The following NEK10 variants were observed in gnomAD, a reference collection of about 807,000 sequenced individuals.
The protein encoded by NEK10 is NIMA related kinase 10.
A neutral mutation model predicts 159.8 loss-of-function variants in NEK10; 122 were observed. The observed-to-expected ratio is 0.76, with a 90% CI of 0.66 to 0.89. The LOEUF is 0.89. Ranked by LOEUF, NEK10 falls within the 40% of genes least tolerant of loss-of-function variation. The pLI, the probability that NEK10 is intolerant of heterozygous loss-of-function variation, is 0.00. For missense variants in NEK10, 1,342 were observed against 1,323.1 expected (o/e 1.01, Z -0.22); for synonymous variants, 466 against 457.1 (o/e 1.02, Z -0.25).
intron 5 of NEK10, among the ~76,000 whole-genome samples, chr3:27,331,417 C>G (rs146436656): frequency 7.2e-5 from 11 of 152,140 alleles, no homozygotes; most frequent in African/African-American, 2.4e-4. Context: ...AATAAGGAAC[C>G]TTCAAAGGTC....
chr3:27,298,163 T>C (rs1369209975), intron 13 of NEK10, among the ~76,000 whole-genome samples: 1 of 152,216 alleles, frequency 6.6e-6, no homozygotes, highest in Non-Finnish European at 1.5e-5. Flanking sequence ...GGTTTGGCTG[T>C]GTCCCCACCC....
At chr3:27,222,341 C>A (rs1335062808) in intron 23 of NEK10, among the ~76,000 whole-genome samples, 1 of 152,196 alleles carries the variant, frequency 6.6e-6, no homozygotes, top group African/African-American at 2.4e-5. Flanking sequence ...CCACTGCACT[C>A]CAGCCTGGGC....
chr3:27,316,140 C>G lies in NEK10; in HGVS notation c.448-1802G>C, dbSNP rs143379815. Reference sequence around the variant, plus strand: ...CTGAATTTGAACGTTTTCATGCAGACCGTGATACCCAATGAAAACGTGTGA... The same window carrying G: ...CTGAATTTGAACGTTTTCATGCAGAGCGTGATACCCAATGAAAACGTGTGA... On this transcript the variant is annotated intron_variant, in intron 6 of 35. Coordinates refer to ENST00000691995, the MANE Select transcript of NEK10 (RefSeq NM_001394966.1). Among the ~76,000 whole-genome samples the G allele has an allele frequency of 5.7e-3, 872 of 152,162 alleles. 7 individuals are homozygous for G. The highest frequency in any genetic ancestry group is 0.02 in the African/African-American group (834 of 41,524).
intron 26 of NEK10, among the ~76,000 whole-genome samples, chr3:27,177,268 G>T (rs1359863225): frequency 2.6e-5 from 4 of 152,112 alleles, no homozygotes; most frequent in Non-Finnish European, 1.5e-5. Context: ...TCTAGGCCAG[G>T]CATGGTGGCT....
chr3:27,140,231 T>C (rs978203485), intron 31 of NEK10, among the ~76,000 whole-genome samples: 4 of 152,272 alleles, frequency 2.6e-5, no homozygotes, highest in East Asian at 1.9e-4. Flanking sequence ...TAAGTTGCCA[T>C]TGCTACAGTG....
intron 1 of NEK10, among the ~76,000 whole-genome samples, chr3:27,363,484 T>C (rs375765263): frequency 2.0e-5 from 3 of 152,180 alleles, no homozygotes; most frequent in Middle Eastern, 3.2e-3. Context: ...TTAAATGTGA[T>C]TGGGAAGCTC....
chr3:27,332,668 AG>A (rs1440771439), intron 5 of NEK10, among the ~76,000 whole-genome samples: 3 of 152,368 alleles, frequency 2.0e-5, no homozygotes, highest in African/African-American at 7.2e-5. Flanking sequence ...ACTAACAAAG[AG>A]GAATTCCAGA....
chr3:27,305,266 A>C (rs1373601771), intron 11 of NEK10, among the ~76,000 whole-genome samples: 1 of 152,270 alleles, frequency 6.6e-6, no homozygotes, highest in Non-Finnish European at 1.5e-5. Flanking sequence ...ATTTACAAAA[A>C]TAAGCAGTGG....
intron 30 of NEK10, among the ~76,000 whole-genome samples, chr3:27,150,688 A>G (rs1009883474): frequency 2.6e-5 from 4 of 152,228 alleles, no homozygotes; most frequent in Admixed American, 1.3e-4. Context: ...GTATGCTAAC[A>G]TAACATCCAT....
Position 27,290,658 on chromosome 3 carries a change from C to T in NEK10, c.1702G>A (p.Val568Ile), listed in dbSNP as rs370504122. 2.7e-5 allele frequency: 43 copies of T among 1,606,590 alleles called. No individual in the cohort carries two copies. The African/African-American group carries it at 2.9e-4, about 11-fold the overall frequency. The change falls in exon 19 of 36, where the codon GTA becomes ATA. Residue 568 changes from valine to isoleucine, a missense_variant. Coordinates refer to ENST00000691995, the MANE Select transcript of NEK10 (RefSeq NM_001394966.1). ...GKDKKDRDSS[V>I]RNIVSELTII... Reference sequence around the variant, plus strand: ...GTTAATTCAGAAACAATATTCCTTACGCTGCTGTCTCGATCTTTCTTATCC... The same window carrying T: ...GTTAATTCAGAAACAATATTCCTTATGCTGCTGTCTCGATCTTTCTTATCC...
chr3:27,240,809 G>A (rs556269756), intron 23 of NEK10, among the ~76,000 whole-genome samples: 4 of 152,094 alleles, frequency 2.6e-5, no homozygotes, highest in South Asian at 2.1e-4. Context: ...GCACCACCAC[G>A]CCTGGCTAAT....
In NEK10 at chr3:27,344,386, C is replaced by A. The variant is rs1387164343; in HGVS notation, c.264-16G>T. On this transcript the variant is annotated splice_polypyrimidine_tract_variant and intron_variant, in intron 4 of 35. Transcript: ENST00000691995. ...GTAGTTTATACTGAGACAAAACAAACAGAAAAGGATTTTGTAATAGAGATC... is the reference window on the plus strand; with the variant it reads ...GTAGTTTATACTGAGACAAAACAAAAAGAAAAGGATTTTGTAATAGAGATC... 2 of 1,356,160 alleles carry A rather than the reference C, an allele frequency of 1.5e-6. No individual in the cohort carries two copies. Among genetic ancestry groups the A allele is most frequent in the African/African-American group, 2.9e-5 (2 of 70,172 alleles). 84.0% of individuals were successfully genotyped at this position (1,356,160 alleles called of 1,614,324 possible). A position where few individuals can be genotyped will look rare whatever the true frequency, so the allele number is the denominator to read the frequency against.
Position 27,278,250 on chromosome 3 carries a change from G to T in NEK10, c.2014+6352C>A, listed in dbSNP as rs79677938. 8.8e-3 allele frequency among the ~76,000 whole-genome samples: 1,345 copies of T among 152,214 alleles called. 24 individuals carry two copies. Among genetic ancestry groups the T allele is most frequent in the African/African-American group, 0.03 (1,249 of 41,530 alleles). ...TACTTATTACATGTTACAGTATTTTGCATATACATTCTAGCCTTCATCACT... is the reference window on the plus strand; with the variant it reads ...TACTTATTACATGTTACAGTATTTTTCATATACATTCTAGCCTTCATCACT... On this transcript the variant is annotated intron_variant, in intron 22 of 35. Coordinates refer to ENST00000691995, the MANE Select transcript of NEK10 (RefSeq NM_001394966.1).
chr3:27,158,584 C>T (rs1945722261), intron 30 of NEK10, among the ~76,000 whole-genome samples: 1 of 152,062 alleles, frequency 6.6e-6, no homozygotes, highest in Non-Finnish European at 1.5e-5. Context: ...ATTAAGGACC[C>T]AGAAATCATA....
At chr3:27,112,993 G>A (rs1185853821) in intron 35 of NEK10, among the ~76,000 whole-genome samples, 1 of 152,184 alleles carries the variant, frequency 6.6e-6, no homozygotes, top group East Asian at 1.9e-4. Flanking sequence ...ATTAGTAGGT[G>A]CTTCTAATTG....
chr3:27,365,610 G>GTTT (rs71091129), intron 1 of NEK10, among the ~76,000 whole-genome samples: 1,405 of 99,014 alleles, frequency 0.014, 95 homozygotes, highest in East Asian at 0.034. Context: ...TTTTTTTTGT[G>GTTT]TTTTTTTTTT....
chr3:27,163,556 GT>G (rs1299520952), intron 29 of NEK10, among the ~76,000 whole-genome samples: 1 of 151,928 alleles, frequency 6.6e-6, no homozygotes, highest in Non-Finnish European at 1.5e-5. Context: ...GTTTCACCAT[GT>G]TAGCCAGGAT....
At chr3:27,315,048 T>C (rs1421734724) in intron 6 of NEK10, among the ~76,000 whole-genome samples, 1 of 152,226 alleles carries the variant, frequency 6.6e-6, no homozygotes, top group Non-Finnish European at 1.5e-5. Context: ...AATTGTGAAA[T>C]GGACCAGCCT....
At chr3:27,137,452 T>C (rs1311238286) in intron 31 of NEK10, among the ~76,000 whole-genome samples, 1 of 152,234 alleles carries the variant, frequency 6.6e-6, no homozygotes, top group African/African-American at 2.4e-5. Flanking sequence ...GAATAGTTAA[T>C]AGTTAAGAGA....
Sources: allele counts gnomAD v4.1 joint callset (sites outside exome capture counted in the v4.1 genomes callset), GRCh38; gene constraint gnomAD v4.1.1; transcripts MANE v1.5; gene names NCBI Gene and HGNC (gene_info 2026-07-23, HGNC 2026-07-21).